ZMYM2: variants seen among roughly 807,000 people sequenced by gnomAD.
ZMYM2 encodes zinc finger MYM-type containing 2.
A neutral mutation model predicts 162.8 loss-of-function variants in ZMYM2; 56 were observed. The ratio of observed to expected loss-of-function variants is 0.34; its 90% confidence interval spans 0.28 to 0.43. The LOEUF is 0.43. Among genes scored for constraint, ZMYM2 ranks in the 20% least tolerant of loss-of-function variants. ZMYM2 has a pLI of 1.00. For synonymous variants in ZMYM2, 510 were observed against 541.6 expected, an observed-to-expected ratio of 0.94 and a Z score of 0.81; for missense variants, 1,275 against 1,621.8, an observed-to-expected ratio of 0.79 and a Z score of 3.67.
intron 10 of ZMYM2, among the ~76,000 whole-genome samples, chr13:20,033,871 C>G (rs1316048944): frequency 2.6e-5 from 4 of 152,166 alleles, no homozygotes; most frequent in Non-Finnish European, 4.4e-5. Context: ...TGTTTATACT[C>G]AACAAAGAAT....
intron 2 of ZMYM2, among the ~76,000 whole-genome samples, chr13:19,978,135 C>T (rs1046626065): frequency 2.6e-5 from 4 of 152,064 alleles, no homozygotes; most frequent in Non-Finnish European, 5.9e-5. Flanking sequence ...CCTTGGCCTC[C>T]CAAAGTTCTG....
At chr13:19,884,524 G>T in the ZMYM2 span, among the ~76,000 whole-genome samples, 4 of 152,070 alleles carry the variant, frequency 2.6e-5, 1 homozygote, top group South Asian at 6.2e-4. Flanking sequence ...AGTGAGCCAA[G>T]ATCGCGCCAC....
At chr13:20,033,710 A>G (rs575764308) in intron 10 of ZMYM2, among the ~76,000 whole-genome samples, 1 of 152,262 alleles carries the variant, frequency 6.6e-6, no homozygotes, top group Admixed American at 6.5e-5. Context: ...GGCCCAGGAG[A>G]AACAAATTAT....
In ZMYM2 at chr13:19,961,712, G is replaced by A. The variant is rs182973509; in HGVS notation, c.-11+1686G>A. Among the ~76,000 whole-genome samples the A allele has an allele frequency of 1.6e-4, 25 of 152,316 alleles. 1 individual carries two copies. In the Middle Eastern group the frequency reaches 0.01, roughly 62 times the overall value. ...AACATATGTATACTAACGGAAAGCA[G>A]TGCTGCTTTTACGTAATACCAGAAT... On this transcript the variant is annotated intron_variant, in intron 2 of 24. Coordinates refer to ENST00000610343, the MANE Select transcript of ZMYM2 (RefSeq NM_197968.4).
chr13:19,869,739 C>T, the ZMYM2 span, among the ~76,000 whole-genome samples: 1 of 151,998 alleles, frequency 6.6e-6, no homozygotes, highest in Non-Finnish European at 1.5e-5. Context: ...AGTGGGCTGT[C>T]ATTGTGCCAC....
intron 14 of ZMYM2, among the ~76,000 whole-genome samples, chr13:20,056,409 T>C (rs1277942957): frequency 6.6e-6 from 1 of 152,202 alleles, no homozygotes; most frequent in Admixed American, 6.5e-5. Context: ...CATCCCAATG[T>C]AGGAGTTCTT....
chr13:19,917,422 C>G, the ZMYM2 span, among the ~76,000 whole-genome samples: 2 of 151,658 alleles, frequency 1.3e-5, no homozygotes, highest in Non-Finnish European at 2.9e-5. Flanking sequence ...AGCCCCATCT[C>G]TACCAAAAAT....
the ZMYM2 span, among the ~76,000 whole-genome samples, chr13:19,871,397 G>C: frequency 5.9e-5 from 9 of 151,970 alleles, no homozygotes; most frequent in African/African-American, 1.2e-4. Flanking sequence ...GAATTCTAAG[G>C]GTTTTGTTTT....
intron 10 of ZMYM2, among the ~76,000 whole-genome samples, chr13:20,033,775 C>T (rs1953420717): frequency 6.6e-6 from 1 of 152,160 alleles, no homozygotes; most frequent in Non-Finnish European, 1.5e-5. Flanking sequence ...CAGCAGCACG[C>T]TGTGTGATGG....
chr13:19,886,055 A>C, the ZMYM2 span, among the ~76,000 whole-genome samples: 8 of 146,544 alleles, frequency 5.5e-5, no homozygotes, highest in African/African-American at 2.0e-4. Flanking sequence ...ATCTATAGGA[A>C]TCTCTAGGTT....
Position 20,083,785 on chromosome 13 carries a change from T to G in ZMYM2, c.3941+9T>G, listed in dbSNP as rs1958059861. 3 of 1,597,184 alleles carry G rather than the reference T, an allele frequency of 1.9e-6. No individual in the cohort carries two copies. The highest frequency in any genetic ancestry group is 2.6e-6 in the Non-Finnish European group (3 of 1,171,902). Reference sequence around the variant, plus strand: ...TGCTACTTGTCTAAAAGGTGAGTGTTAATGATACTTAACTTTTAAAAATGT... The same window carrying G: ...TGCTACTTGTCTAAAAGGTGAGTGTGAATGATACTTAACTTTTAAAAATGT... On this transcript the variant is annotated intron_variant, in intron 24 of 24. Transcript: ENST00000610343.
the ZMYM2 span, among the ~76,000 whole-genome samples, chr13:19,898,296 G>A: frequency 1.3e-5 from 2 of 150,592 alleles, no homozygotes; most frequent in South Asian, 4.2e-4. Flanking sequence ...GCAGTGGCAC[G>A]ATCTTGGCTC....
the ZMYM2 span, among the ~76,000 whole-genome samples, chr13:19,919,281 T>G: frequency 6.6e-6 from 1 of 152,194 alleles, no homozygotes; most frequent in Non-Finnish European, 1.5e-5. Flanking sequence ...AGCTTTTGGC[T>G]TTTACAAATA....
intron 21 of ZMYM2, chr13:20,070,336 A>ATT: frequency 4.6e-6 from 1 of 216,100 alleles, no homozygotes; most frequent in South Asian, 8.2e-5. Flanking sequence ...CTTTCTTAAC[A>ATT]TTTTTTTTTC....
At chr13:20,032,866 C>T (rs1338995191) in intron 10 of ZMYM2, among the ~76,000 whole-genome samples, 2 of 152,126 alleles carry the variant, frequency 1.3e-5, no homozygotes, top group Non-Finnish European at 1.5e-5. Context: ...GCCTCAGCCT[C>T]CCAAAGTGCT....
intron 5 of ZMYM2, 116 bp downstream of exon 5, chr13:20,005,355 C>G: frequency 2.8e-6 from 2 of 721,638 alleles, no homozygotes; most frequent in Non-Finnish European, 4.3e-6. Context: ...TATATAAAGA[C>G]TATCTTATAA....
At chr13:19,963,665 T>C (rs1191063593) in intron 2 of ZMYM2, among the ~76,000 whole-genome samples, 1 of 152,108 alleles carries the variant, frequency 6.6e-6, no homozygotes, top group Non-Finnish European at 1.5e-5. Context: ...ACAAGATGAG[T>C]TGGTCATTTT....
In ZMYM2 at chr13:20,067,326, G is replaced by A. The variant is rs1268001909; in HGVS notation, c.3389G>A (p.Arg1130Gln). ...YGLAHFVNEI[R>Q]RPNGENYAPD... is the part of the protein sequence containing the mutation. ...TTAGCTCATTTTGTCAATGAGATCC[G>A]ACGGCCAAATGGAGAGAATTATGCA... is the stretch of plus-strand genomic sequence containing the variant. Residue 1130 changes from arginine to glutamine, a missense_variant, in exon 21 of 25, where the codon CGA (arginine) becomes CAA (glutamine). Around this residue, in one of 10 missense-constraint regions of ZMYM2, gnomAD observed 229 missense variants for 283.8 expected, o/e 0.81. Coordinates refer to ENST00000610343, the MANE Select transcript of ZMYM2 (RefSeq NM_197968.4). The A allele has an allele frequency of 5.0e-6, 8 of 1,609,310 alleles. No individual in the cohort carries two copies. Among genetic ancestry groups the A allele is most frequent in the South Asian group, 1.1e-5 (1 of 89,766 alleles).
At chr13:19,876,772 A>G in the ZMYM2 span, among the ~76,000 whole-genome samples, 1 of 152,320 alleles carries the variant, frequency 6.6e-6, no homozygotes, top group East Asian at 1.9e-4. Flanking sequence ...TCTTGCAAAA[A>G]GTGAAGCTCT....
Sources: gnomAD v4.1 joint callset for allele counts (sites outside exome capture counted in the v4.1 genomes callset) on GRCh38, gnomAD v4.1.1 for gene constraint, gnomAD v4.1.1 regional missense constraint, MANE v1.5 for transcripts, NCBI Gene and HGNC (gene_info 2026-07-23, HGNC 2026-07-21) for gene names.